STX17: variants seen among roughly 807,000 people sequenced by gnomAD.
The protein encoded by STX17 is syntaxin-17.
A neutral mutation model predicts 35.9 loss-of-function variants in STX17; 29 were observed. The observed-to-expected ratio is 0.81, with a 90% CI of 0.60 to 1.10. STX17 has a LOEUF of 1.10. Ranked by LOEUF, STX17 falls within the 50% of genes least tolerant of loss-of-function variation. The probability of loss-of-function intolerance (pLI) is 0.00; values close to 1 mark genes in which losing one functional copy is unlikely to be tolerated. For missense variants in STX17, 312 were observed against 352.3 expected (o/e 0.89, Z 0.92); for synonymous variants, 92 against 118.3 (o/e 0.78, Z 1.44).
chr9:99,943,175 C>A (rs1308054461), intron 3 of STX17, among the ~76,000 whole-genome samples: 1 of 152,070 alleles, frequency 6.6e-6, no homozygotes, highest in Non-Finnish European at 1.5e-5. Context: ...GGTCTGTTGC[C>A]CAGGCTGGAG....
intron 7 of STX17, among the ~76,000 whole-genome samples, chr9:99,968,197 T>C (rs1829954703): frequency 6.6e-6 from 1 of 152,214 alleles, no homozygotes; most frequent in Non-Finnish European, 1.5e-5. Flanking sequence ...GTTTTGCAAG[T>C]AAAATCAATT....
At position 99,928,735 on chromosome 9, in the gene STX17, T is replaced by C. The variant is rs756666391; in HGVS notation, c.124-43T>C. On this transcript the variant is annotated intron_variant, in intron 2 of 7. Transcript: ENST00000259400. ...TTTGTGGTAATGGGAAATAACCCTT[T>C]AGTGATGAAAAATTTAATACCTCCC... 8 of 1,568,104 alleles carry C rather than the reference T, an allele frequency of 5.1e-6. No homozygotes were observed. In the East Asian group the frequency reaches 1.6e-4, roughly 31 times the overall value.
intron 6 of STX17, among the ~76,000 whole-genome samples, chr9:99,963,140 A>G (rs1437465477): frequency 6.6e-6 from 1 of 152,208 alleles, no homozygotes; most frequent in East Asian, 1.9e-4. Context: ...TTTATGTTAT[A>G]TTTATTTTAC....
intron 3 of STX17, among the ~76,000 whole-genome samples, chr9:99,945,086 G>A (rs117795912): frequency 0.021 from 3,122 of 152,034 alleles, 60 homozygotes; most frequent in Middle Eastern, 0.075. Flanking sequence ...TTCTCACCTT[G>A]TTTGGTATAA....
intron 1 of STX17, among the ~76,000 whole-genome samples, chr9:99,912,651 A>G (rs981271955): frequency 3.3e-5 from 5 of 152,210 alleles, no homozygotes; most frequent in Admixed American, 2.0e-4. Context: ...ACTGTAGTTT[A>G]TAATAGTGGA....
chr9:99,926,491 CCTTTTGAGT>C (rs1204885459), intron 2 of STX17, among the ~76,000 whole-genome samples: 1 of 151,520 alleles, frequency 6.6e-6, no homozygotes, highest in East Asian at 1.9e-4. Context: ...ACAGTTTGAT[CCTTTTGAGT>C]CTTTCTTTTT....
intron 2 of STX17, 135 bp downstream of exon 2, chr9:99,915,497 T>TA: frequency 9.0e-7 from 1 of 1,114,696 alleles, no homozygotes; most frequent in South Asian, 1.9e-5. Flanking sequence ...TTAGCAACAT[T>TA]ATGCATTTTT....
chr9:99,950,329 T>C (rs567148726), intron 3 of STX17, among the ~76,000 whole-genome samples: 1 of 151,920 alleles, frequency 6.6e-6, no homozygotes, highest in Non-Finnish European at 1.5e-5. Context: ...CAACAATAGC[T>C]TCTGAAATAA....
intron 2 of STX17, among the ~76,000 whole-genome samples, chr9:99,918,257 A>C (rs1367470746): frequency 6.6e-6 from 1 of 152,124 alleles, no homozygotes; most frequent in East Asian, 1.9e-4. Flanking sequence ...AGCTTCCTGA[A>C]TAGCTAAGAC....
At chr9:99,928,450 T>C (rs1829034902) in intron 2 of STX17, among the ~76,000 whole-genome samples, 8 of 152,162 alleles carry the variant, frequency 5.3e-5, no homozygotes, top group Admixed American at 4.6e-4. Flanking sequence ...TTTTCATTTT[T>C]TATATTATTT....
At position 99,968,517 on chromosome 9, in the gene STX17, A is replaced by G; in HGVS notation, c.753A>G (p.Ala251=). 1 of 1,613,244 alleles carries G rather than the reference A, an allele frequency of 6.2e-7. No individual in the cohort carries two copies. Among genetic ancestry groups the G allele is most frequent in the Non-Finnish European group, 8.5e-7 (1 of 1,179,658 alleles). The change falls in exon 8 of 8, where the codon GCA becomes GCG. Residue 251 remains alanine, a synonymous_variant. Coordinates refer to ENST00000259400, the MANE Select transcript of STX17 (RefSeq NM_017919.3). ...GMVGGPIGLL[A]GFKVAGIAAA... ...TAGGGGGTCCTATTGGCCTCCTTGC[A>G]GGCTTCAAAGTGGCAGGAATTGCAG... is the stretch of plus-strand genomic sequence containing the variant.
chr9:99,963,261 G>T lies in STX17; in HGVS notation c.582+3106G>T, dbSNP rs1829861194. Among the ~76,000 whole-genome samples, 3 of 152,032 alleles carry T rather than the reference G, an allele frequency of 2.0e-5. No homozygotes were observed. The South Asian group carries it at 6.2e-4, about 32-fold the overall frequency. ...GCTCTATTTTTCTTCAGCCTTTGTT[G>T]TTCAAGTGCCCTCTTCTCTCCCTAT... On this transcript the variant is annotated intron_variant, in intron 6 of 7. Coordinates refer to ENST00000259400, the MANE Select transcript of STX17 (RefSeq NM_017919.3).
chr9:99,915,172 T>G lies in STX17; in HGVS notation c.-62-6T>G. 6.8e-7 allele frequency: 1 copy of G among 1,470,924 alleles called. No individual in the cohort carries two copies. Among genetic ancestry groups the G allele is most frequent in the East Asian group, 2.4e-5 (1 of 40,858 alleles). The allele number at this position is 1,470,924 out of a possible 1,614,324, so 91.1% of individuals were successfully genotyped here. On this transcript the variant is annotated splice_region_variant and splice_polypyrimidine_tract_variant and intron_variant, in intron 1 of 7. Coordinates refer to ENST00000259400, the MANE Select transcript of STX17 (RefSeq NM_017919.3). Reference sequence around the variant, plus strand: ...AAACATTCTTAAAGAAATATTTTTCTTTTAGGTTTTTCTATATGAGTGGAG... The same window carrying G: ...AAACATTCTTAAAGAAATATTTTTCGTTTAGGTTTTTCTATATGAGTGGAG...
intron 6 of STX17, among the ~76,000 whole-genome samples, chr9:99,964,323 T>G (rs748127175): frequency 6.6e-6 from 1 of 152,130 alleles, no homozygotes; most frequent in Non-Finnish European, 1.5e-5. Flanking sequence ...TTCGTCAAGA[T>G]TTGTTATGTT....
rs530996942 is a variant in STX17 at position 99,930,048 on chromosome 9, G to GACT, written c.189+1208_189+1210dup. On this transcript the variant is annotated intron_variant, in intron 3 of 7. Transcript: ENST00000259400. ...CTGCCTCAGCCTCCCAAGTAGCTGGGACTACAGGCACCCACCACCACGCCT... is the reference window on the plus strand; with the variant it reads ...CTGCCTCAGCCTCCCAAGTAGCTGGGACTACTACAGGCACCCACCACCACGCCT... Among the ~76,000 whole-genome samples, 758 of 150,332 alleles carry GACT rather than the reference G, an allele frequency of 5.0e-3. 6 individuals are homozygous for GACT. The highest frequency in any genetic ancestry group is 0.017 in the African/African-American group (691 of 40,976).
intron 6 of STX17, among the ~76,000 whole-genome samples, chr9:99,966,768 A>G (rs1421956715): frequency 6.6e-6 from 1 of 152,262 alleles, no homozygotes; most frequent in Non-Finnish European, 1.5e-5. Context: ...TGTAAATTCT[A>G]TCTAAATAAA....
intron 2 of STX17, among the ~76,000 whole-genome samples, chr9:99,924,905 G>A (rs1378436883): frequency 6.6e-6 from 1 of 152,092 alleles, no homozygotes. Context: ...TAAATGTAGG[G>A]TTTTTGTAGA....
chr9:99,946,889 T>A (rs1312984724), intron 3 of STX17, among the ~76,000 whole-genome samples: 1 of 152,174 alleles, frequency 6.6e-6, no homozygotes, highest in Non-Finnish European at 1.5e-5. Flanking sequence ...TGTCTCTAGC[T>A]GCTTTTAGAC....
chr9:99,950,772 T>C (rs555794371), intron 3 of STX17, among the ~76,000 whole-genome samples: 10 of 152,114 alleles, frequency 6.6e-5, no homozygotes, highest in Admixed American at 6.6e-4. Flanking sequence ...TCATTTTTAT[T>C]TCATATGCTT....
Sources: gnomAD v4.1 joint callset for allele counts (sites outside exome capture counted in the v4.1 genomes callset) on GRCh38, gnomAD v4.1.1 for gene constraint, MANE v1.5 for transcripts, NCBI Gene and HGNC (gene_info 2026-07-23, HGNC 2026-07-21) for gene names.